The following FREM1 variants were observed in gnomAD, a reference collection of about 807,000 sequenced individuals.
The protein encoded by FREM1 is FRAS1 related extracellular matrix 1, also known as FRAS1-related extracellular matrix protein 1.
FREM1 carries 220 observed loss-of-function variants against 210.1 expected under a neutral mutation model. The ratio of observed to expected loss-of-function variants is 1.05; its 90% CI spans 0.94 to 1.17. FREM1 has a LOEUF of 1.17. Ranked by LOEUF, FREM1 falls within the 50% of genes most tolerant of loss-of-function variation. The pLI, the probability that FREM1 is intolerant of heterozygous loss-of-function variation, is 0.00. For missense variants in FREM1, 3,454 were observed against 2,675.5 expected (o/e 1.29, Z -6.42); for synonymous variants, 1,189 against 980.2 (o/e 1.21, Z -3.98).
intron 2 of FREM1, among the ~76,000 whole-genome samples, chr9:14,866,335 C>T (rs1831509977): frequency 6.6e-6 from 1 of 152,138 alleles, no homozygotes; most frequent in African/African-American, 2.4e-5. Context: ...TCCTCAGTGC[C>T]TTGGAGCAGG....
chr9:14,743,701 T>C (rs1354747071), intron 35 of FREM1, among the ~76,000 whole-genome samples: 2 of 152,106 alleles, frequency 1.3e-5, no homozygotes, highest in South Asian at 4.1e-4. Context: ...TCATCTACAT[T>C]TTATCAACAA....
intron 21 of FREM1, among the ~76,000 whole-genome samples, chr9:14,793,485 G>A (rs1400772115): frequency 2.0e-5 from 3 of 152,202 alleles, no homozygotes; most frequent in Non-Finnish European, 4.4e-5. Context: ...TTCTTGAACA[G>A]TAGGCTGGGG....
At chr9:14,893,857 A>G (rs1837272354) in intron 1 of FREM1, among the ~76,000 whole-genome samples, 1 of 152,208 alleles carries the variant, frequency 6.6e-6, no homozygotes, top group Non-Finnish European at 1.5e-5. Flanking sequence ...TAATTGTAAA[A>G]GAGATTGTGT....
At chr9:14,800,138 A>G (rs1367048226) in intron 20 of FREM1, among the ~76,000 whole-genome samples, 3 of 152,178 alleles carry the variant, frequency 2.0e-5, no homozygotes, top group Non-Finnish European at 4.4e-5. Context: ...CTTACACACT[A>G]GTTGGGGAAA....
chr9:14,756,250 C>T, intron 29 of FREM1, 124 bp downstream of exon 29: 1 of 694,798 alleles, frequency 1.4e-6, no homozygotes, highest in Non-Finnish European at 2.4e-6. Context: ...TGGTATGGCT[C>T]CCTGAGGAGT....
chr9:14,851,386 A>T lies in FREM1; in HGVS notation c.1050T>A (p.Asp350Glu), dbSNP rs763046288. The T allele has an allele frequency of 1.9e-6, 3 of 1,613,902 alleles. No individual in the cohort carries two copies. Among genetic ancestry groups the T allele is most frequent in the Non-Finnish European group, 2.5e-6 (3 of 1,179,866 alleles). ...TGAATGAGGAGATTGGTCTGGTGTG[A>T]TCCAACAGGTGAGTCACATAGCCCT... ...PLQGYVTHLL[D>E]HTRPISSFTW... Residue 350 changes from aspartate to glutamate, a missense_variant, in exon 6 of 37, where the codon GAT becomes GAA. Asp to Glu is a conservative substitution (Grantham distance 45). Coordinates refer to ENST00000380880, the MANE Select transcript of FREM1 (RefSeq NM_001379081.2).
At chr9:14,898,370 G>A (rs1021358530) in intron 1 of FREM1, among the ~76,000 whole-genome samples, 2 of 152,138 alleles carry the variant, frequency 1.3e-5, no homozygotes, top group African/African-American at 4.8e-5. Flanking sequence ...CAGATCTATT[G>A]AAGAAAAATT....
intron 21 of FREM1, among the ~76,000 whole-genome samples, chr9:14,794,825 C>T (rs1006540893): frequency 6.6e-6 from 1 of 151,744 alleles, no homozygotes. Context: ...TGGTGAAACC[C>T]CATTTCTACC....
chr9:14,772,196 T>C (rs1448884982), intron 25 of FREM1, among the ~76,000 whole-genome samples: 3 of 152,002 alleles, frequency 2.0e-5, no homozygotes, highest in South Asian at 2.1e-4. Flanking sequence ...TGCAAAACAG[T>C]GAAAATTTTT....
chr9:14,905,424 T>G (rs1465949110), intron 1 of FREM1, among the ~76,000 whole-genome samples: 1 of 152,200 alleles, frequency 6.6e-6, no homozygotes, highest in Non-Finnish European at 1.5e-5. Flanking sequence ...GAGCAAAATC[T>G]TGAGAAAAAC....
At chr9:14,783,132 C>T (rs1849888268) in intron 24 of FREM1, among the ~76,000 whole-genome samples, 1 of 152,152 alleles carries the variant, frequency 6.6e-6, no homozygotes, top group African/African-American at 2.4e-5. Flanking sequence ...GATATTCGTT[C>T]CAGCTTTCTG....
intron 6 of FREM1, among the ~76,000 whole-genome samples, chr9:14,849,155 T>C (rs952738617): frequency 6.6e-6 from 1 of 152,094 alleles, no homozygotes; most frequent in Non-Finnish European, 1.5e-5. Context: ...TACAGGACTT[T>C]TGGGAATGTC....
rs1222447696 is a variant in FREM1, at chr9:14,812,818, G to A, written c.2887C>T (p.His963Tyr). Residue 963 changes from histidine to tyrosine, a missense_variant, in exon 16 of 37, where the codon CAC becomes TAC. His to Tyr is a moderately conservative substitution (Grantham distance 83). Transcript: ENST00000380880. ...DVISEAVTYK[H>Y]TGGEIGLMPC... ...TCACCATGCTGCTGCTTACCTGTGT[G>A]TTTGTATGTCACGGCCTCTGAGATA... is the stretch of plus-strand genomic sequence containing the variant. The A allele has an allele frequency of 6.2e-7, 1 of 1,607,642 alleles. No homozygotes were observed. Among genetic ancestry groups the A allele is most frequent in the Non-Finnish European group, 8.5e-7 (1 of 1,176,320 alleles).
Position 14,740,216 on chromosome 9 carries a change from T to C in FREM1, c.6273A>G (p.Val2091=), listed in dbSNP as rs911678044. 3.7e-6 allele frequency: 6 copies of C among 1,612,790 alleles called. No homozygotes were observed. The African/African-American group carries it at 8.0e-5, about 22-fold the overall frequency. ...ACREQYLGNL[V]TVFSRQHMRW... Reference sequence around the variant, plus strand: ...GCATGTGCTGCCTGGAGAATACAGTTACAAGGTTGCCCAGGTATCTAAATG... The same window carrying C: ...GCATGTGCTGCCTGGAGAATACAGTCACAAGGTTGCCCAGGTATCTAAATG... Residue 2091 remains valine (V), a synonymous_variant, in exon 36 of 37, where the codon GTA becomes GTG. Transcript: ENST00000380880.
intron 19 of FREM1, 146 bp from the exon 20 acceptor site, chr9:14,802,020 C>A (rs1817382272): frequency 3.5e-6 from 2 of 573,330 alleles, no homozygotes; most frequent in Non-Finnish European, 3.0e-6. Flanking sequence ...AAAGAAATTG[C>A]TGGTTTAATA....
chr9:14,824,153 T>TCTTACCTAAAAATG, intron 11 of FREM1, 38 bp from the exon 12 acceptor site: 1 of 1,341,398 alleles, frequency 7.5e-7, no homozygotes, highest in Non-Finnish European at 1.0e-6. Flanking sequence ...AGCTCATTTT[T>TCTTACCTAAAAATG]AGGTAAGAAA....
At chr9:14,854,863 C>A (rs2131461864) in intron 5 of FREM1, among the ~76,000 whole-genome samples, 1 of 152,136 alleles carries the variant, frequency 6.6e-6, no homozygotes, top group Non-Finnish European at 1.5e-5. Context: ...TAAGTATGCT[C>A]ACCTTACATG....
chr9:14,759,977 G>A, intron 27 of FREM1, 76 bp from the exon 28 acceptor site: 1 of 1,202,998 alleles, frequency 8.3e-7, no homozygotes, highest in South Asian at 1.9e-5. Flanking sequence ...GAGCGGACTA[G>A]TGGAAAAACG....
intron 33 of FREM1, 64 bp downstream of exon 33, chr9:14,747,200 T>C: frequency 6.3e-7 from 1 of 1,580,402 alleles, no homozygotes; most frequent in Non-Finnish European, 8.7e-7. Flanking sequence ...GTGAATTAAG[T>C]GTGTTTCTGG....
Sources: allele counts gnomAD v4.1 joint callset (sites outside exome capture counted in the v4.1 genomes callset), GRCh38; gene constraint gnomAD v4.1.1; transcripts MANE v1.5; gene names NCBI Gene and HGNC (gene_info 2026-07-23, HGNC 2026-07-21).